Variants in PAK1 observed in about 807,000 individuals in gnomAD.
PAK1 encodes the protein p21 (RAC1) activated kinase 1, also known as serine/threonine-protein kinase PAK 1.
A neutral mutation model predicts 67.4 loss-of-function variants in PAK1; 29 were observed. The ratio of observed to expected loss-of-function variants is 0.43; its 90% confidence interval spans 0.32 to 0.59. The LOEUF is 0.59. Among genes scored for constraint, PAK1 ranks in the 20% least tolerant of loss-of-function variants. The probability of loss-of-function intolerance (pLI) is 0.07; values close to 1 mark genes in which losing one functional copy is unlikely to be tolerated. For synonymous variants in PAK1, 223 were observed against 237.4 expected, an observed-to-expected ratio of 0.94 and a Z score of 0.56; for missense variants, 337 against 670.7, an observed-to-expected ratio of 0.50 and a Z score of 5.50.
intron 1 of PAK1, among the ~76,000 whole-genome samples, chr11:77,449,327 C>T (rs1012622261): frequency 6.6e-6 from 1 of 152,130 alleles, no homozygotes. Flanking sequence ...CTAGGCAGTG[C>T]GCTTAAAGAG....
the PAK1 span, among the ~76,000 whole-genome samples, chr11:77,499,626 C>T: frequency 1.3e-5 from 2 of 152,146 alleles, no homozygotes; most frequent in Non-Finnish European, 2.9e-5. Context: ...TAGGTACTGC[C>T]TCTTAAGTAT....
chr11:77,394,301 T>G (rs1177872217), intron 1 of PAK1, among the ~76,000 whole-genome samples: 1 of 152,218 alleles, frequency 6.6e-6, no homozygotes, highest in Non-Finnish European at 1.5e-5. Context: ...TTGGCCTCCA[T>G]AAATTTTGAT....
At chr11:77,437,769 C>T (rs144023724) in intron 1 of PAK1, among the ~76,000 whole-genome samples, 2 of 152,272 alleles carry the variant, frequency 1.3e-5, no homozygotes, top group South Asian at 2.1e-4. Context: ...AAAGTTCTCT[C>T]GTGAACTCCT....
intron 6 of PAK1, 31 bp downstream of exon 6, chr11:77,358,867 C>A (rs1341321840): frequency 2.5e-6 from 4 of 1,611,968 alleles, no homozygotes; most frequent in Non-Finnish European, 2.5e-6. Flanking sequence ...TCTAATAAAT[C>A]ACAAAACTGG....
At chr11:77,500,971 C>A in the PAK1 span, among the ~76,000 whole-genome samples, 1 of 151,960 alleles carries the variant, frequency 6.6e-6, no homozygotes, top group African/African-American at 2.4e-5. Flanking sequence ...TTAGTCCCTC[C>A]AATTTCCACC....
intron 5 of PAK1, among the ~76,000 whole-genome samples, chr11:77,372,789 T>A (rs1331583320): frequency 2.6e-5 from 4 of 152,210 alleles, no homozygotes; most frequent in African/African-American, 9.6e-5. Flanking sequence ...ACATACATGC[T>A]ATTCTCTTTC....
chr11:77,489,573 G>A, the PAK1 span, among the ~76,000 whole-genome samples: 6 of 152,220 alleles, frequency 3.9e-5, no homozygotes, highest in Non-Finnish European at 7.4e-5. Flanking sequence ...CTCGGCCTGC[G>A]GAGTGCCTGC....
chr11:77,379,812 G>A, intron 3 of PAK1, 82 bp downstream of exon 3: 2 of 927,658 alleles, frequency 2.2e-6, no homozygotes, highest in East Asian at 2.4e-5. Flanking sequence ...AGAAGCATCA[G>A]GAAGATGAGA....
intron 1 of PAK1, among the ~76,000 whole-genome samples, chr11:77,431,655 C>T (rs956810542): frequency 3.9e-5 from 6 of 152,170 alleles, no homozygotes; most frequent in East Asian, 1.9e-4. Flanking sequence ...TGAACCAGAA[C>T]AGGAAGACTC....
chr11:77,352,756 A>T (rs1321234491), intron 8 of PAK1, among the ~76,000 whole-genome samples: 3 of 152,118 alleles, frequency 2.0e-5, no homozygotes, highest in African/African-American at 7.2e-5. Context: ...TTGTGTTATA[A>T]TTGCCTACAG....
the PAK1 span, among the ~76,000 whole-genome samples, chr11:77,489,968 G>C: frequency 0.041 from 6,143 of 150,572 alleles, 440 homozygotes; most frequent in African/African-American, 0.14. Context: ...AGTGAGGAGC[G>C]TCTCTGCCCG....
chr11:77,516,868 C>T, the PAK1 span, among the ~76,000 whole-genome samples: 12 of 143,454 alleles, frequency 8.4e-5, no homozygotes, highest in Non-Finnish European at 1.1e-4. Context: ...AAGCTGGATG[C>T]GGTAGCACAT....
chr11:77,466,275 GT>G, intron 1 of PAK1, among the ~76,000 whole-genome samples: 1 of 152,288 alleles, frequency 6.6e-6, no homozygotes, highest in Non-Finnish European at 1.5e-5. Flanking sequence ...GGACGGTTAA[GT>G]GACTTGCTGT....
intron 1 of PAK1, among the ~76,000 whole-genome samples, chr11:77,412,797 A>G (rs1286895864): frequency 6.6e-6 from 1 of 152,230 alleles, no homozygotes; most frequent in East Asian, 1.9e-4. Context: ...AAACAACCTT[A>G]TGAAGTAGGC....
upstream of PAK1, chr11:77,474,409 A>G (rs945341782): frequency 3.9e-5 from 6 of 152,062 alleles, no homozygotes; most frequent in African/African-American, 1.4e-4. Context: ...GCGTGACGTC[A>G]TCGCGTCGCG....
At chr11:77,437,432 C>T (rs1023201598) in intron 1 of PAK1, among the ~76,000 whole-genome samples, 1 of 152,208 alleles carries the variant, frequency 6.6e-6, no homozygotes, top group Admixed American at 6.5e-5. Context: ...GTCTGGTACA[C>T]AGTGAGTGCT....
chr11:77,381,010 C>T (rs956571773), intron 2 of PAK1, among the ~76,000 whole-genome samples: 4 of 152,110 alleles, frequency 2.6e-5, no homozygotes, highest in Non-Finnish European at 5.9e-5. Flanking sequence ...AACACACTAA[C>T]CAAAAGAAAT....
In PAK1 at chr11:77,349,260, C is replaced by A; in HGVS notation, c.864G>T (p.Met288Ile). The A allele has an allele frequency of 6.2e-7, 1 of 1,600,806 alleles. No homozygotes were observed. ...QGASGTVYTAMDVATGQEVAI... is the reference protein window; with the variant it reads ...QGASGTVYTAIDVATGQEVAI... Reference sequence around the variant, plus strand: ...TCACCTCCTGTCCTGTGGCCACATCCATTGCTGTGTACACGGTGCCTGAAG... The same window carrying A: ...TCACCTCCTGTCCTGTGGCCACATCAATTGCTGTGTACACGGTGCCTGAAG... Residue 288 changes from methionine to isoleucine, a missense_variant, in exon 9 of 15, where the codon ATG becomes ATT. Transcript: ENST00000356341.
At chr11:77,408,181 G>T (rs1018459345) in intron 1 of PAK1, 1 of 152,136 alleles carries the variant, frequency 6.6e-6, no homozygotes, top group African/African-American at 2.4e-5. Context: ...TCCTTGATCT[G>T]CATTTGAGAG....
Sources: gnomAD v4.1 joint callset for allele counts (sites outside exome capture counted in the v4.1 genomes callset) on GRCh38, gnomAD v4.1.1 for gene constraint, MANE v1.5 for transcripts, NCBI Gene and HGNC (gene_info 2026-07-23, HGNC 2026-07-21) for gene names.